COL4A2: variants seen among roughly 807,000 people sequenced by gnomAD.
The protein encoded by COL4A2 is collagen alpha-2(IV) chain.
COL4A2 carries 99 observed loss-of-function variants against 200.2 expected under a neutral mutation model. That is an observed-to-expected ratio of 0.49 (90% CI 0.42 to 0.58). The LOEUF (loss-of-function observed/expected upper bound fraction) is 0.58. Among genes scored for constraint, COL4A2 ranks in the 20% least tolerant of loss-of-function variants. COL4A2 has a pLI of 0.00. For synonymous variants in COL4A2, 897 were observed against 900.6 expected (o/e 1.00, Z 0.07); for missense variants, 1,950 against 2,314.1 (o/e 0.84, Z 3.23).
chr13:110,316,231 A>T (rs911731168), intron 3 of COL4A2, among the ~76,000 whole-genome samples: 7 of 152,164 alleles, frequency 4.6e-5, no homozygotes, highest in Admixed American at 1.3e-4. Flanking sequence ...ATATTTTTCC[A>T]CATGTTGAGT....
intron 4 of COL4A2, among the ~76,000 whole-genome samples, chr13:110,420,000 G>A (rs759641462): frequency 6.6e-5 from 10 of 152,208 alleles, no homozygotes; most frequent in Admixed American, 2.6e-4. Flanking sequence ...GGGTTATGGT[G>A]GTCTCGTGCA....
chr13:110,504,827 C>G (rs541690370), intron 45 of COL4A2, among the ~76,000 whole-genome samples: 2 of 151,908 alleles, frequency 1.3e-5, no homozygotes, highest in African/African-American at 2.4e-5. Flanking sequence ...AGGCTGGTCT[C>G]GAACTCCTGA....
At chr13:110,345,903 A>C (rs1876678842) in intron 3 of COL4A2, among the ~76,000 whole-genome samples, 1 of 152,186 alleles carries the variant, frequency 6.6e-6, no homozygotes, top group Non-Finnish European at 1.5e-5. Context: ...CACCTTCTGC[A>C]AGGTAGCTGG....
intron 4 of COL4A2, among the ~76,000 whole-genome samples, chr13:110,382,405 CA>C (rs909542549): frequency 6.6e-6 from 1 of 152,170 alleles, no homozygotes; most frequent in African/African-American, 2.4e-5. Context: ...CCCACTTCCC[CA>C]GAGAGAAATA....
chr13:110,486,948 G>A lies in COL4A2; in HGVS notation c.3207+1112G>A, dbSNP rs528060365. Among the ~76,000 whole-genome samples, 7 of 152,318 alleles carry A rather than the reference G, an allele frequency of 4.6e-5. No individual in the cohort carries two copies. The East Asian group carries it at 1.2e-3, about 25-fold the overall frequency. On this transcript the variant is annotated intron_variant, in intron 34 of 47. Coordinates refer to ENST00000360467, the MANE Select transcript of COL4A2 (RefSeq NM_001846.4). ...AGAAACCGGCCATCTGGATGTGTACGTGCAGGTCACAGGGGATATGATTGC... is the reference window on the plus strand; with the variant it reads ...AGAAACCGGCCATCTGGATGTGTACATGCAGGTCACAGGGGATATGATTGC...
intron 3 of COL4A2, among the ~76,000 whole-genome samples, chr13:110,350,297 T>C (rs1183086842): frequency 6.6e-6 from 1 of 152,236 alleles, no homozygotes; most frequent in African/African-American, 2.4e-5. Context: ...TTCCAATTCC[T>C]ACAGTTTTGA....
Position 110,424,873 on chromosome 13 carries a change from G to T in COL4A2, c.315+5G>T, listed in dbSNP as rs1406323858. 6.2e-7 allele frequency: 1 copy of T among 1,613,996 alleles called. No individual in the cohort carries two copies. Among genetic ancestry groups the T allele is most frequent in the Non-Finnish European group, 8.5e-7 (1 of 1,179,994 alleles). ...ACGGGACCCAAGGGCGACGTGGTAC[G>T]CACCGCTGGTGTATTCCCCTGGCCT... On this transcript the variant is annotated splice_donor_5th_base_variant and intron_variant, in intron 5 of 47. Transcript: ENST00000360467.
At chr13:110,448,377 C>G (rs759986069) in intron 18 of COL4A2, among the ~76,000 whole-genome samples, 3 of 152,140 alleles carry the variant, frequency 2.0e-5, no homozygotes, top group Admixed American at 1.3e-4. Flanking sequence ...TTTCAAAATT[C>G]ACTTTTTCCC....
intron 6 of COL4A2, 37 bp downstream of exon 6, chr13:110,425,034 C>T (rs376642856): frequency 1.6e-5 from 26 of 1,590,734 alleles, no homozygotes; most frequent in Middle Eastern, 1.7e-4. Context: ...TAAAACATTG[C>T]GTGCATCCTA....
chr13:110,510,920 T>C (rs1345704741), intron 47 of COL4A2, among the ~76,000 whole-genome samples: 4 of 152,210 alleles, frequency 2.6e-5, no homozygotes, highest in African/African-American at 9.7e-5. Flanking sequence ...AGCAGGCAGC[T>C]CAGGGCTGGA....
At chr13:110,417,286 A>G (rs1379656889) in intron 4 of COL4A2, among the ~76,000 whole-genome samples, 1 of 152,210 alleles carries the variant, frequency 6.6e-6, no homozygotes, top group African/African-American at 2.4e-5. Context: ...GCATTCGGCT[A>G]AGTGTTTTTT....
At chr13:110,374,866 ACACC>A (rs1289779559) in intron 4 of COL4A2, among the ~76,000 whole-genome samples, 1 of 152,222 alleles carries the variant, frequency 6.6e-6, no homozygotes, top group East Asian at 1.9e-4. Flanking sequence ...TGAGTCAAGA[ACACC>A]CTGAATGCAC....
chr13:110,495,586 G>A, intron 40 of COL4A2, 119 bp downstream of exon 40: 1 of 1,348,010 alleles, frequency 7.4e-7, no homozygotes, highest in African/African-American at 1.5e-5. Context: ...GAAAGAGCTG[G>A]TTTTTCTGGG....
At position 110,506,432 on chromosome 13, in the gene COL4A2, G is replaced by A. The variant is rs1441702164; in HGVS notation, c.4420G>A (p.Gly1474Arg). The A allele has an allele frequency of 1.9e-6, 3 of 1,611,244 alleles. No individual in the cohort carries two copies. Among genetic ancestry groups the A allele is most frequent in the African/African-American group, 1.3e-5 (1 of 74,858 alleles). The stretch of plus-strand genomic sequence containing the variant: ...GGCTGCAGGTGCACCAGGCCGTCCA[G>A]GGAGCCCGGGCCTGCCGGGTATGCC... Reference protein sequence around the residue: ...IGQEGAPGRPGSPGLPGMPGR... With the variant: ...IGQEGAPGRPRSPGLPGMPGR... The change falls in exon 46 of 48, where the codon GGG becomes AGG. Residue 1474 changes from glycine to arginine, a missense_variant. Physicochemically the swap from Gly to Arg is moderately radical, Grantham distance 125. Around this residue, in one of 2 missense-constraint regions of COL4A2, gnomAD observed 1,385 missense variants for 1,720.5 expected, o/e 0.80. Transcript: ENST00000360467.
At chr13:110,430,268 A>T in intron 8 of COL4A2, 133 bp from the exon 9 acceptor site, 1 of 1,037,510 alleles carries the variant, frequency 9.6e-7, no homozygotes, top group Admixed American at 3.4e-5. Flanking sequence ...AATTAATATT[A>T]GTAAATTAAC....
chr13:110,507,159 G>A (rs1165486891), intron 46 of COL4A2, among the ~76,000 whole-genome samples: 2 of 152,234 alleles, frequency 1.3e-5, no homozygotes, highest in Admixed American at 1.3e-4. Flanking sequence ...AGGGGGTGAC[G>A]GGAAGGGTCT....
At position 110,307,844 on chromosome 13, in the gene COL4A2, T is replaced by C; in HGVS notation, c.-44-16T>C. Reference sequence around the variant, plus strand: ...CCCTCATCCTGCGCTAAACTCGCTTTGTCTGTCGCCTCTAGGCTAAGTGGG... The same window carrying C: ...CCCTCATCCTGCGCTAAACTCGCTTCGTCTGTCGCCTCTAGGCTAAGTGGG... On this transcript the variant is annotated splice_polypyrimidine_tract_variant and intron_variant, in intron 1 of 47. Coordinates refer to ENST00000360467, the MANE Select transcript of COL4A2 (RefSeq NM_001846.4). The surrounding 1 kb of genome is among the most constrained non-coding windows in gnomAD (Gnocchi z 5.0). 6.4e-7 allele frequency: 1 copy of C among 1,560,668 alleles called. No homozygotes were observed. Among genetic ancestry groups the C allele is most frequent in the Non-Finnish European group, 8.7e-7 (1 of 1,150,546 alleles).
At chr13:110,373,522 A>T (rs1566498711) in intron 4 of COL4A2, among the ~76,000 whole-genome samples, 1 of 152,234 alleles carries the variant, frequency 6.6e-6, no homozygotes, top group Non-Finnish European at 1.5e-5. Context: ...CATTAGACTT[A>T]GGTAAAACTT....
rs760739260 is a variant in COL4A2, at chr13:110,308,116, T to C, written c.92T>C (p.Val31Ala). 24 of 1,613,616 alleles carry C rather than the reference T, an allele frequency of 1.5e-5. No homozygotes were observed. The highest frequency in any genetic ancestry group is 1.9e-5 in the Non-Finnish European group (23 of 1,180,020). ...ACCGTGGGGTTCCTCGCCCAGAGCG[T>C]CTTGGCGGTAAGTCCTGGCTCCCGC... ...TVTVGFLAQS[V>A]LAGVKKFDVP... Residue 31 changes from valine to alanine, a missense_variant, in exon 3 of 48, where the codon GTC becomes GCC. Val to Ala is a moderately conservative substitution (Grantham distance 64, BLOSUM62 0). Transcript: ENST00000360467.
Sources: allele counts gnomAD v4.1 joint callset (sites outside exome capture counted in the v4.1 genomes callset), GRCh38; gene constraint gnomAD v4.1.1; regional missense constraint gnomAD v4.1.1; non-coding constraint Gnocchi (gnomAD v3.1); transcripts MANE v1.5; gene names NCBI Gene and HGNC (gene_info 2026-07-23, HGNC 2026-07-21).